The following FTO variants were observed in gnomAD, a reference collection of about 807,000 sequenced individuals.
The protein encoded by FTO is FTO alpha-ketoglutarate dependent dioxygenase, also known as alpha-ketoglutarate-dependent dioxygenase FTO.
In FTO, 47 loss-of-function variants were observed where a neutral mutation model predicts 63.9. The observed-to-expected ratio is 0.74, with a 90% CI of 0.58 to 0.94. The LOEUF is 0.94. Ranked by LOEUF, FTO falls within the 40% of genes least tolerant of loss-of-function variation. The pLI is 0.00. For missense variants in FTO, 562 were observed against 618.1 expected, an observed-to-expected ratio of 0.91 and a Z score of 0.96; for synonymous variants, 207 against 224.4, an observed-to-expected ratio of 0.92 and a Z score of 0.69.
chr16:53,893,015 A>T (rs1413633738), intron 7 of FTO, among the ~76,000 whole-genome samples: 1 of 152,122 alleles, frequency 6.6e-6, no homozygotes, highest in Non-Finnish European at 1.5e-5. Flanking sequence ...CATTTTTATC[A>T]CACTGTTTAT....
chr16:53,732,862 A>G (rs1243451985), intron 1 of FTO, among the ~76,000 whole-genome samples: 1 of 152,180 alleles, frequency 6.6e-6, no homozygotes, highest in Non-Finnish European at 1.5e-5. Context: ...GAAGGAATGA[A>G]TGAGTAAGGA....
At chr16:53,728,807 G>A (rs984644383) in intron 1 of FTO, among the ~76,000 whole-genome samples, 2 of 145,360 alleles carry the variant, frequency 1.4e-5, no homozygotes, top group Non-Finnish European at 3.0e-5. Flanking sequence ...CTGTCACCCA[G>A]ACTGAAGTGC....
chr16:53,804,725 C>T (rs545182444), intron 1 of FTO, among the ~76,000 whole-genome samples: 2 of 149,646 alleles, frequency 1.3e-5, no homozygotes, highest in South Asian at 2.1e-4. Flanking sequence ...AAGCGATTCT[C>T]TTGCCTCAGC....
At chr16:54,072,257 T>C (rs540763099) in intron 8 of FTO, 1 of 152,330 alleles carries the variant, frequency 6.6e-6, no homozygotes, top group East Asian at 1.9e-4. Flanking sequence ...CCTAAAAATC[T>C]TTCCTATTGA....
At chr16:53,852,892 A>G (rs574187861) in intron 4 of FTO, among the ~76,000 whole-genome samples, 1 of 152,292 alleles carries the variant, frequency 6.6e-6, no homozygotes, top group African/African-American at 2.4e-5. Flanking sequence ...ATGTTTCGTC[A>G]TGTGACTTGT....
At chr16:53,771,207 T>C (rs2077327923) in intron 1 of FTO, among the ~76,000 whole-genome samples, 1 of 152,144 alleles carries the variant, frequency 6.6e-6, no homozygotes, top group South Asian at 2.1e-4. Flanking sequence ...AGGGAACTAA[T>C]ATTTATAGTT....
At chr16:54,068,232 T>C (rs1398455253) in intron 8 of FTO, among the ~76,000 whole-genome samples, 1 of 152,152 alleles carries the variant, frequency 6.6e-6, no homozygotes, top group Non-Finnish European at 1.5e-5. Context: ...TTTTTTCCTT[T>C]CTCATTTTCT....
At chr16:53,839,907 C>T (rs537507207) in intron 3 of FTO, among the ~76,000 whole-genome samples, 178 of 151,820 alleles carry the variant, frequency 1.2e-3, no homozygotes, top group African/African-American at 3.9e-3. Flanking sequence ...TGGATTCAAG[C>T]GATTCTCCTG....
chr16:54,064,869 G>A (rs1204595176), intron 8 of FTO, among the ~76,000 whole-genome samples: 1 of 152,068 alleles, frequency 6.6e-6, no homozygotes, highest in South Asian at 2.1e-4. Context: ...AAGGGAGCTC[G>A]GTGGCTGTTT....
chr16:53,791,417 G>T (rs1201601995), intron 1 of FTO, among the ~76,000 whole-genome samples: 1 of 152,032 alleles, frequency 6.6e-6, no homozygotes, highest in Admixed American at 6.6e-5. Flanking sequence ...GTGGTTGTAG[G>T]TGGTTGTAGG....
intron 8 of FTO, among the ~76,000 whole-genome samples, chr16:53,947,936 C>T (rs1232163191): frequency 2.0e-5 from 3 of 152,250 alleles, no homozygotes; most frequent in East Asian, 1.9e-4. Flanking sequence ...GCATTGGAAA[C>T]GGGCTATGGC....
At chr16:53,766,783 G>T (rs929241595) in intron 1 of FTO, among the ~76,000 whole-genome samples, 5 of 152,136 alleles carry the variant, frequency 3.3e-5, no homozygotes, top group Admixed American at 6.6e-5. Flanking sequence ...TCTTTAGGTT[G>T]TAATGAAGTT....
rs569342380 is a variant in FTO, at chr16:53,798,115, A to G, written c.46-12025A>G. Reference sequence around the variant, plus strand: ...AATCTTTGTCAAAAATCAATGAAACATAAATATCTGGGTCTATTGTGGACC... The same window carrying G: ...AATCTTTGTCAAAAATCAATGAAACGTAAATATCTGGGTCTATTGTGGACC... On this transcript the variant is annotated intron_variant, in intron 1 of 8. Coordinates refer to ENST00000471389, the MANE Select transcript of FTO (RefSeq NM_001080432.3). 8.5e-5 allele frequency among the ~76,000 whole-genome samples: 13 copies of G among 152,296 alleles called. No homozygotes were observed. In the East Asian group the frequency reaches 1.5e-3, roughly 18 times the overall value.
intron 1 of FTO, among the ~76,000 whole-genome samples, chr16:53,751,102 G>A (rs188146648): frequency 6.6e-6 from 1 of 152,108 alleles, no homozygotes; most frequent in African/African-American, 2.4e-5. Context: ...ATTGTCCTGG[G>A]CCACACATAA....
chr16:54,077,586 C>T (rs999464094), intron 8 of FTO, among the ~76,000 whole-genome samples: 26 of 152,178 alleles, frequency 1.7e-4, no homozygotes, highest in African/African-American at 5.1e-4. Context: ...ACACGGGCAG[C>T]GGTAGGACAA....
chr16:53,955,272 A>G (rs1413068496), intron 8 of FTO, among the ~76,000 whole-genome samples: 3 of 152,202 alleles, frequency 2.0e-5, no homozygotes, highest in Non-Finnish European at 4.4e-5. Context: ...TACAAGAGTG[A>G]ACAAAAAAAC....
intron 8 of FTO, among the ~76,000 whole-genome samples, chr16:54,097,195 G>A (rs1049051753): frequency 1.3e-5 from 2 of 152,140 alleles, no homozygotes; most frequent in Non-Finnish European, 2.9e-5. Context: ...AGTAATGATG[G>A]CCAGAAAGTC....
chr16:53,860,166 G>A (rs1048162825), intron 4 of FTO, among the ~76,000 whole-genome samples: 12 of 152,102 alleles, frequency 7.9e-5, no homozygotes, highest in African/African-American at 1.7e-4. Context: ...GAAGGAAATC[G>A]TGTCATGTGT....
At chr16:53,718,419 C>T (rs1368591281) in intron 1 of FTO, among the ~76,000 whole-genome samples, 2 of 151,988 alleles carry the variant, frequency 1.3e-5, no homozygotes, top group Non-Finnish European at 2.9e-5. Flanking sequence ...GGATGATTTT[C>T]TTGGGTTTTC....
Sources: allele counts gnomAD v4.1 joint callset (sites outside exome capture counted in the v4.1 genomes callset), GRCh38; gene constraint gnomAD v4.1.1; transcripts MANE v1.5; gene names NCBI Gene and HGNC (gene_info 2026-07-23, HGNC 2026-07-21).